Variants in DKK4 observed in about 807,000 individuals in gnomAD.
The protein encoded by DKK4 is dickkopf-related protein 4.
DKK4 carries 15 observed loss-of-function variants against 14.5 expected under a neutral mutation model. That is an observed-to-expected ratio of 1.03 (90% CI 0.69 to 1.59). DKK4 has a LOEUF of 1.59. DKK4 is among the 40% of genes most tolerant of loss of function. The pLI is 0.00. For missense variants in DKK4, 272 were observed against 280.3 expected (o/e 0.97, Z 0.21); for synonymous variants, 89 against 105.2 (o/e 0.85, Z 0.94).
upstream of DKK4, among the ~76,000 whole-genome samples, chr8:42,381,298 A>T (rs895475113): frequency 6.6e-6 from 1 of 152,158 alleles, no homozygotes; most frequent in African/African-American, 2.4e-5. Flanking sequence ...GATGAAAATC[A>T]GGTTGGGGGA....
At chr8:42,388,795 T>C in the DKK4 span, among the ~76,000 whole-genome samples, 1 of 152,200 alleles carries the variant, frequency 6.6e-6, no homozygotes, top group Non-Finnish European at 1.5e-5. Context: ...GGTCTCGATC[T>C]CTTGGCCTTG....
At chr8:42,380,927 A>C (rs1824669056), upstream of DKK4, among the ~76,000 whole-genome samples, 1 of 152,112 alleles carries the variant, frequency 6.6e-6, no homozygotes, top group Non-Finnish European at 1.5e-5. Context: ...AAGAAAAAGA[A>C]AGAAGGAAAG....
chr8:42,382,342 C>T, the DKK4 span, among the ~76,000 whole-genome samples: 1 of 152,214 alleles, frequency 6.6e-6, no homozygotes, highest in African/African-American at 2.4e-5. Context: ...GAGATGCCCC[C>T]CTGTGGCAGC....
At position 42,375,808 on chromosome 8, in the gene DKK4, G is replaced by A. The variant is rs565991423; in HGVS notation, c.134C>T (p.Thr45Met). ...ARKGSQCLSD[T>M]DCNTRKFCLQ... Reference sequence around the variant, plus strand: ...GCAGAACTTTCTGGTATTGCAGTCCGTGTCAGACAGGCACTGTGAGCCCTG... The same window carrying A: ...GCAGAACTTTCTGGTATTGCAGTCCATGTCAGACAGGCACTGTGAGCCCTG... Residue 45 changes from threonine (T) to methionine (M), a missense_variant, in exon 2 of 4, where the codon ACG becomes ATG. Thr to Met is a moderately conservative substitution (Grantham distance 81, BLOSUM62 -1). Coordinates refer to ENST00000220812, the MANE Select transcript of DKK4 (RefSeq NM_014420.3). The A allele has an allele frequency of 9.3e-6, 15 of 1,614,074 alleles. No individual in the cohort carries two copies. The highest frequency in any genetic ancestry group is 5.0e-5 in the Admixed American group (3 of 60,004).
At chr8:42,379,798 C>T (rs28642955), upstream of DKK4, among the ~76,000 whole-genome samples, 35,940 of 151,804 alleles carry the variant, frequency 0.24, 8,292 homozygotes, top group African/African-American at 0.6. Flanking sequence ...TGTGTGGCTG[C>T]GGCAGATGAT....
the DKK4 span, among the ~76,000 whole-genome samples, chr8:42,389,223 G>A: frequency 1.3e-5 from 2 of 152,350 alleles, no homozygotes; most frequent in East Asian, 3.9e-4. Flanking sequence ...GATTACAGGA[G>A]TGAGCCATGG....
At chr8:42,388,602 C>T in the DKK4 span, among the ~76,000 whole-genome samples, 36 of 152,078 alleles carry the variant, frequency 2.4e-4, no homozygotes, top group South Asian at 7.3e-3. Context: ...GACGGAGTCT[C>T]ACTCTGTCGC....
At chr8:42,376,294 T>C (rs190437897) in intron 1 of DKK4, among the ~76,000 whole-genome samples, 1 of 152,220 alleles carries the variant, frequency 6.6e-6, no homozygotes, top group Non-Finnish European at 1.5e-5. Context: ...TTTTCAATGA[T>C]GCCTCATTGA....
the DKK4 span, among the ~76,000 whole-genome samples, chr8:42,391,090 T>G: frequency 6.6e-6 from 1 of 152,164 alleles, no homozygotes; most frequent in Non-Finnish European, 1.5e-5. Flanking sequence ...CTCCTCCACA[T>G]CCTCTGCCCC....
chr8:42,375,201 G>A (rs1056669804), intron 2 of DKK4, among the ~76,000 whole-genome samples: 3 of 152,136 alleles, frequency 2.0e-5, no homozygotes, highest in Admixed American at 2.0e-4. Flanking sequence ...TTATCTCCAA[G>A]TCATTGGCAA....
chr8:42,374,689 AC>A (rs1204693992), intron 3 of DKK4, 71 bp downstream of exon 3: 4 of 1,582,900 alleles, frequency 2.5e-6, no homozygotes, highest in Non-Finnish European at 3.5e-6. Context: ...AATCAGTCTC[AC>A]CCTATCCTTA....
chr8:42,377,163 A>G lies in DKK4; in HGVS notation c.-118T>C, dbSNP rs1229565755. On this transcript the variant is annotated 5_prime_UTR_variant, in exon 1 of 4. Transcript: ENST00000220812. ...CAGCTCAGCACGTCGTCTGTTTGTC[A>G]CTGCTTTTTCTGAAAGAAGTAAACC... 1.3e-6 allele frequency: 1 copy of G among 769,348 alleles called. No homozygotes were observed. The highest frequency in any genetic ancestry group is 2.1e-6 in the Non-Finnish European group (1 of 479,860). 47.7% of individuals were successfully genotyped at this position (769,348 alleles called of 1,614,324 possible).
At chr8:42,384,682 A>G in the DKK4 span, among the ~76,000 whole-genome samples, 1 of 152,036 alleles carries the variant, frequency 6.6e-6, no homozygotes. Context: ...GGTCGTCTCC[A>G]TGTTAAAAAT....
chr8:42,378,250 T>C (rs114410510), upstream of DKK4, among the ~76,000 whole-genome samples: 1,388 of 152,358 alleles, frequency 9.1e-3, 26 homozygotes, highest in African/African-American at 0.032. Flanking sequence ...CATAGAGTCA[T>C]CTAAAATGCA....
intron 1 of DKK4, among the ~76,000 whole-genome samples, chr8:42,376,309 G>A (rs770954213): frequency 7.2e-5 from 11 of 152,162 alleles, no homozygotes; most frequent in Admixed American, 3.3e-4. Context: ...CATTGACATA[G>A]AGAAAGAGAT....
chr8:42,375,519 G>GAA (rs111452997), intron 2 of DKK4, among the ~76,000 whole-genome samples, 161 bp downstream of exon 2: 1 of 117,032 alleles, frequency 8.5e-6, no homozygotes. Context: ...CTCCGCCTCA[G>GAA]AAAAAAAAAA....
rs1824578896 is a variant in DKK4, at chr8:42,377,048, T to C, written c.-3A>G. ...CCCAGCAGGACGGCCGCCACCATCC[T>C]TCAATCCCGGGGCTCCTGGAGGGTC... On this transcript the variant is annotated 5_prime_UTR_variant, in exon 1 of 4. Coordinates refer to ENST00000220812, the MANE Select transcript of DKK4 (RefSeq NM_014420.3). The C allele has an allele frequency of 6.2e-7, 1 of 1,611,716 alleles. No homozygotes were observed. Among genetic ancestry groups the C allele is most frequent in the African/African-American group, 1.3e-5 (1 of 74,874 alleles).
At chr8:42,391,315 G>A in the DKK4 span, among the ~76,000 whole-genome samples, 31 of 147,372 alleles carry the variant, frequency 2.1e-4, no homozygotes, top group African/African-American at 7.8e-4. Flanking sequence ...CACTTATGCC[G>A]TGGAGTTCGA....
upstream of DKK4, among the ~76,000 whole-genome samples, chr8:42,380,539 T>A (rs1359433040): frequency 0.014 from 1,090 of 77,754 alleles, no homozygotes; most frequent in Middle Eastern, 0.061. Flanking sequence ...GAAGGAAGGG[T>A]GAAAGGAAGG....
Sources: allele counts gnomAD v4.1 joint callset (sites outside exome capture counted in the v4.1 genomes callset), GRCh38; gene constraint gnomAD v4.1.1; transcripts MANE v1.5; gene names NCBI Gene and HGNC (gene_info 2026-07-23, HGNC 2026-07-21).